ADCY2: variants seen among roughly 807,000 people sequenced by gnomAD.
ADCY2 encodes the protein adenylate cyclase 2.
ADCY2 carries 31 observed loss-of-function variants against 125.2 expected under a neutral mutation model. The ratio of observed to expected loss-of-function variants is 0.25; its 90% CI spans 0.19 to 0.33. ADCY2 has a LOEUF of 0.33. Ranked by LOEUF, ADCY2 falls within the 10% of genes least tolerant of loss-of-function variation. The pLI is 1.00. For synonymous variants in ADCY2, 512 were observed against 548.4 expected (o/e 0.93, Z 0.93); for missense variants, 904 against 1,418.2 (o/e 0.64, Z 5.82).
rs73046336 is a variant in ADCY2 at position 7,487,436 on chromosome 5, T to C, written c.409-33302T>C. ...GGCCTCATCATAAACAGATAACCTA[T>C]GTCTTTGGTTATCATTTGTTAAAAG... On this transcript the variant is annotated intron_variant, in intron 2 of 24. Transcript: ENST00000338316. Among the ~76,000 whole-genome samples, 1,248 of 152,304 alleles carry C rather than the reference T, an allele frequency of 8.2e-3. 8 individuals carry two copies. The highest frequency in any genetic ancestry group is 0.021 in the African/African-American group (882 of 41,546).
chr5:7,453,218 T>G (rs1741538715), intron 2 of ADCY2, among the ~76,000 whole-genome samples: 1 of 152,204 alleles, frequency 6.6e-6, no homozygotes, highest in Admixed American at 6.5e-5. Context: ...TCTTCCAGAA[T>G]TTTTATGGTT....
chr5:7,709,607 C>T lies in ADCY2; in HGVS notation c.1578+220C>T, dbSNP rs1318934660. ...ACCCTAGCGTGATTTTGCATTATAG[C>T]TTCATAACCCAAGACAGTGCTATTT... is the stretch of plus-strand genomic sequence containing the variant. On this transcript the variant is annotated intron_variant, in intron 10 of 24. Transcript: ENST00000338316. The surrounding 1 kb of genome is among the most constrained non-coding windows in gnomAD (Gnocchi z 4.4). Among the ~76,000 whole-genome samples, 1 of 152,214 alleles carries T rather than the reference C, an allele frequency of 6.6e-6. No individual in the cohort carries two copies. The highest frequency in any genetic ancestry group is 2.4e-5 in the African/African-American group (1 of 41,456).
intron 1 of ADCY2, among the ~76,000 whole-genome samples, chr5:7,409,295 A>G (rs961669890): frequency 3.3e-5 from 5 of 152,140 alleles, no homozygotes; most frequent in African/African-American, 1.2e-4. Context: ...TAGGCTTAAT[A>G]CCTGGGTGAT....
chr5:7,649,507 T>G (rs1739010786), intron 4 of ADCY2, among the ~76,000 whole-genome samples: 1 of 152,242 alleles, frequency 6.6e-6, no homozygotes, highest in Non-Finnish European at 1.5e-5. Flanking sequence ...TGTATTTATG[T>G]GGGAGAATAA....
intron 3 of ADCY2, among the ~76,000 whole-genome samples, chr5:7,600,491 A>G (rs1463474209): frequency 1.3e-5 from 2 of 152,310 alleles, no homozygotes; most frequent in African/African-American, 2.4e-5. Flanking sequence ...GCAAGGGCTG[A>G]GACAGGGGAG....
chr5:7,533,157 A>G (rs1734706094), intron 3 of ADCY2, among the ~76,000 whole-genome samples: 2 of 150,702 alleles, frequency 1.3e-5, no homozygotes, highest in African/African-American at 4.9e-5. Context: ...ATTGTTTTCT[A>G]TTTTTCCTGT....
In ADCY2 at chr5:7,506,789, C is replaced by CTTTTTTT. The variant is rs70940743; in HGVS notation, c.409-13926_409-13920dup. Among the ~76,000 whole-genome samples the CTTTTTTT allele has an allele frequency of 1.9e-3, 106 of 55,060 alleles. 10 individuals are homozygous for CTTTTTTT. The highest frequency in any genetic ancestry group is 2.8e-3 in the Non-Finnish European group (87 of 30,662). 36.1% of individuals were successfully genotyped at this position (55,060 alleles called of 152,430 possible). ...AGGGGTAAATGTGTGATGCGTTGCT[C>CTTTTTTT]TTTTTTTTTTTTTTTTTTTTTTTTT... On this transcript the variant is annotated intron_variant, in intron 2 of 24. Transcript: ENST00000338316.
intron 4 of ADCY2, among the ~76,000 whole-genome samples, chr5:7,687,660 C>T (rs941662423): frequency 3.3e-5 from 5 of 152,172 alleles, no homozygotes; most frequent in African/African-American, 1.2e-4. Context: ...ATTTATTCAT[C>T]AGCTACCTCT....
chr5:7,708,268 A>G (rs1270110186), intron 9 of ADCY2: 2 of 154,584 alleles, frequency 1.3e-5, no homozygotes, highest in African/African-American at 4.8e-5. Flanking sequence ...AAAGAAGAGA[A>G]GAAATATTTG....
At chr5:7,720,912 A>T (rs1246649055) in intron 12 of ADCY2, among the ~76,000 whole-genome samples, 1 of 152,264 alleles carries the variant, frequency 6.6e-6, no homozygotes, top group African/African-American at 2.4e-5. Context: ...GTATATACCC[A>T]GTAATGGGAT....
At chr5:7,503,764 A>G (rs547984584) in intron 2 of ADCY2, among the ~76,000 whole-genome samples, 1 of 152,372 alleles carries the variant, frequency 6.6e-6, no homozygotes, top group East Asian at 1.9e-4. Context: ...ATCAGCGCCA[A>G]TGTGCATGTG....
chr5:7,530,877 C>T (rs1345212932), intron 3 of ADCY2, among the ~76,000 whole-genome samples: 1 of 152,146 alleles, frequency 6.6e-6, no homozygotes. Context: ...TACCCCTTCC[C>T]TGCCTGGCAA....
intron 3 of ADCY2, among the ~76,000 whole-genome samples, chr5:7,585,200 G>A (rs1429066580): frequency 1.3e-5 from 2 of 151,848 alleles, no homozygotes; most frequent in African/African-American, 4.8e-5. Context: ...TTTTCTACGT[G>A]GCAATTTCAA....
At chr5:7,512,234 A>AAAAAAAAAAAAAAAAAAAAAAAAAAAAAC (rs1384262441) in intron 2 of ADCY2, among the ~76,000 whole-genome samples, 2 of 112,212 alleles carry the variant, frequency 1.8e-5, no homozygotes, top group African/African-American at 8.9e-5. Flanking sequence ...AAAAAAAAAA[A>AAAAAAAAAAAAAAAAAAAAAAAAAAAAAC]AAAAAAGAAA....
chr5:7,656,293 A>G (rs1739323719), intron 4 of ADCY2, among the ~76,000 whole-genome samples: 1 of 152,088 alleles, frequency 6.6e-6, no homozygotes, highest in Admixed American at 6.6e-5. Flanking sequence ...ACCTCAGGTG[A>G]TCTGTCTGCC....
intron 22 of ADCY2, among the ~76,000 whole-genome samples, chr5:7,808,787 C>A (rs1438593920): frequency 6.6e-6 from 1 of 152,178 alleles, no homozygotes; most frequent in East Asian, 1.9e-4. Context: ...TGCTCCCAGC[C>A]CTTTAGCAAA....
chr5:7,511,974 A>G (rs1744079304), intron 2 of ADCY2, among the ~76,000 whole-genome samples: 1 of 151,936 alleles, frequency 6.6e-6, no homozygotes, highest in Non-Finnish European at 1.5e-5. Context: ...TAATCCCAGC[A>G]CTTTGGGAGG....
chr5:7,673,822 C>T (rs1002550111), intron 4 of ADCY2, among the ~76,000 whole-genome samples: 1 of 152,154 alleles, frequency 6.6e-6, no homozygotes, highest in Non-Finnish European at 1.5e-5. Context: ...TCATGAAGGG[C>T]AGCCTCCAGG....
At chr5:7,775,954 C>T (rs2126486483) in intron 18 of ADCY2, among the ~76,000 whole-genome samples, 1 of 152,178 alleles carries the variant, frequency 6.6e-6, no homozygotes, top group East Asian at 1.9e-4. Flanking sequence ...AAAACTAACC[C>T]CACATGGGAG....
Sources: gnomAD v4.1 joint callset for allele counts (sites outside exome capture counted in the v4.1 genomes callset) on GRCh38, gnomAD v4.1.1 for gene constraint, Gnocchi (gnomAD v3.1) non-coding constraint, MANE v1.5 for transcripts, NCBI Gene and HGNC (gene_info 2026-07-23, HGNC 2026-07-21) for gene names.